The following NDE1 variants were observed in gnomAD, a reference collection of about 807,000 sequenced individuals.
NDE1 encodes the protein nudE neurodevelopment protein 1, also known as nuclear distribution protein nudE homolog 1.
Under a neutral mutation model 43.4 loss-of-function variants are expected in NDE1, and 28 were observed. That is an observed-to-expected ratio of 0.65 (90% CI 0.48 to 0.89). The LOEUF (loss-of-function observed/expected upper bound fraction) is 0.89. Among genes scored for constraint, NDE1 ranks in the 40% least tolerant of loss-of-function variants. The probability of loss-of-function intolerance (pLI) is 0.00; values close to 1 mark genes in which losing one functional copy is unlikely to be tolerated. For missense variants in NDE1, 441 were observed against 434.1 expected (o/e 1.02, Z -0.14); for synonymous variants, 184 against 172.0 (o/e 1.07, Z -0.55).
chr16:15,693,924 A>C (rs917761526), intron 6 of NDE1, among the ~76,000 whole-genome samples: 2 of 152,214 alleles, frequency 1.3e-5, no homozygotes, highest in Admixed American at 6.5e-5. Flanking sequence ...CGGGTGACAG[A>C]GCAAGACTAA....
At chr16:15,718,125 G>T in intron 8 of NDE1, 3 of 855,496 alleles carry the variant, frequency 3.5e-6, no homozygotes, top group Non-Finnish European at 3.7e-6. Flanking sequence ...GTGGAGAGGA[G>T]TATTCTGAAG....
At chr16:15,721,352 T>G in intron 8 of NDE1, 3 of 1,525,188 alleles carry the variant, frequency 2.0e-6, no homozygotes, top group Non-Finnish European at 2.7e-6. Context: ...TAGCCTCGCA[T>G]GGACTGGTGA....
chr16:15,657,373 A>G lies in NDE1; in HGVS notation c.-44+7079A>G, dbSNP rs1248405603. Among the ~76,000 whole-genome samples, 5 of 152,104 alleles carry G rather than the reference A, an allele frequency of 3.3e-5. No homozygotes were observed. The East Asian group carries it at 5.8e-4, about 18-fold the overall frequency. ...CTTGGCTTCCCAAAGTGTTGGGATT[A>G]CAGGCATGAGCCAACGCACCCAGCC... is the stretch of plus-strand genomic sequence containing the variant. On this transcript the variant is annotated intron_variant, in intron 1 of 8. Coordinates refer to ENST00000396354, the MANE Select transcript of NDE1 (RefSeq NM_017668.3).
At chr16:15,717,474 T>G in intron 8 of NDE1, 1 of 931,358 alleles carries the variant, frequency 1.1e-6, no homozygotes, top group Non-Finnish European at 1.6e-6. Context: ...CCCTGTCCTC[T>G]CCTTCATCCT....
At chr16:15,688,785 G>A (rs746682913) in intron 5 of NDE1, among the ~76,000 whole-genome samples, 123 of 123,370 alleles carry the variant, frequency 1.0e-3, no homozygotes, top group Non-Finnish European at 1.2e-3. Flanking sequence ...TGCAACCTCT[G>A]CCTCCCAGGT....
In NDE1 at chr16:15,724,777, C is replaced by T. The variant is rs761662427; in HGVS notation, c.*526C>T. ...CTTCGTAGACACGTTGAGCTTCTGCCGGGTTTCTTCTTGAAGCAGCTCCTG... is the reference window on the plus strand; with the variant it reads ...CTTCGTAGACACGTTGAGCTTCTGCTGGGTTTCTTCTTGAAGCAGCTCCTG... On this transcript the variant is annotated 3_prime_UTR_variant, in exon 9 of 9. Transcript: ENST00000396354. The T allele has an allele frequency of 1.1e-5, 17 of 1,614,034 alleles. No homozygotes were observed. Among genetic ancestry groups the T allele is most frequent in the East Asian group, 2.2e-5 (1 of 44,878 alleles).
chr16:15,724,345 T>G lies in NDE1; in HGVS notation c.*94T>G. 1 of 1,614,142 alleles carries G rather than the reference T, an allele frequency of 6.2e-7. No individual in the cohort carries two copies. Among genetic ancestry groups the G allele is most frequent in the South Asian group, 1.1e-5 (1 of 91,080 alleles). The stretch of plus-strand genomic sequence containing the variant: ...CTCGATCTCCTTCTGGAACCTCTTC[T>G]TCCCCTCTTCCAGAGCTTCCACGGT... On this transcript the variant is annotated 3_prime_UTR_variant, in exon 9 of 9. Coordinates refer to ENST00000396354, the MANE Select transcript of NDE1 (RefSeq NM_017668.3).
intron 3 of NDE1, among the ~76,000 whole-genome samples, chr16:15,674,842 G>A (rs1433960516): frequency 6.6e-6 from 1 of 151,956 alleles, no homozygotes; most frequent in Non-Finnish European, 1.5e-5. Context: ...CTCCTAACTG[G>A]GACTACAGGC....
chr16:15,718,153 G>T, intron 8 of NDE1: 1 of 1,096,100 alleles, frequency 9.1e-7, no homozygotes, highest in Non-Finnish European at 1.3e-6. Flanking sequence ...CCTGGGCACT[G>T]GTGTAAGGGC....
At chr16:15,711,456 TATC>T (rs2039789422) in intron 8 of NDE1, among the ~76,000 whole-genome samples, 1 of 152,224 alleles carries the variant, frequency 6.6e-6, no homozygotes, top group Admixed American at 6.5e-5. Context: ...ATACTATTTT[TATC>T]ATATTACTTT....
At chr16:15,680,690 C>A (rs2151079846) in intron 4 of NDE1, among the ~76,000 whole-genome samples, 1 of 152,234 alleles carries the variant, frequency 6.6e-6, no homozygotes, top group Admixed American at 6.5e-5. Flanking sequence ...CAGGCGCCCC[C>A]CACCACGCCT....
In NDE1 at chr16:15,703,161, A is replaced by T. The variant is rs1455085497; in HGVS notation, c.947+6301A>T. 2.6e-5 allele frequency: 5 copies of T among 191,366 alleles called. No individual in the cohort carries two copies. The East Asian group carries it at 4.1e-4, about 16-fold the overall frequency. 11.9% of individuals were successfully genotyped at this position (191,366 alleles called of 1,614,324 possible). ...TGTGATTTATAACCATTTATTAGTG[A>T]AAGTGTTTTTAAGCACAGTCAGGGT... On this transcript the variant is annotated intron_variant, in intron 8 of 8. Transcript: ENST00000396354.
At chr16:15,658,383 C>A (rs964474430) in intron 1 of NDE1, among the ~76,000 whole-genome samples, 1 of 152,234 alleles carries the variant, frequency 6.6e-6, no homozygotes, top group Non-Finnish European at 1.5e-5. Context: ...GGGTTAGGCT[C>A]ACCCTATCAT....
rs1334142043 is a variant in NDE1, at chr16:15,677,791, T to C, written c.238-10T>C. The C allele has an allele frequency of 1.9e-6, 3 of 1,614,114 alleles. No individual in the cohort carries two copies. The highest frequency in any genetic ancestry group is 1.3e-5 in the African/African-American group (1 of 75,050). On this transcript the variant is annotated splice_polypyrimidine_tract_variant and intron_variant, in intron 3 of 8. Coordinates refer to ENST00000396354, the MANE Select transcript of NDE1 (RefSeq NM_017668.3). ...TAAGTCATTCACTCAGTGTCTGTGT[T>C]GTCCTTCAGGAGAAGTTTGAAGTGC...
intron 8 of NDE1, among the ~76,000 whole-genome samples, chr16:15,720,635 C>T (rs2040416186): frequency 6.6e-6 from 1 of 151,820 alleles, no homozygotes; most frequent in African/African-American, 2.4e-5. Context: ...GCCTGTAATC[C>T]AAGCTACTCG....
At chr16:15,709,788 G>A (rs986823372) in intron 8 of NDE1, among the ~76,000 whole-genome samples, 2 of 152,174 alleles carry the variant, frequency 1.3e-5, no homozygotes, top group Non-Finnish European at 2.9e-5. Flanking sequence ...ACCTGCAGCC[G>A]CCTGTCCCTT....
intron 4 of NDE1, among the ~76,000 whole-genome samples, chr16:15,678,937 G>C (rs1004821628): frequency 1.3e-5 from 2 of 151,872 alleles, no homozygotes; most frequent in Non-Finnish European, 2.9e-5. Flanking sequence ...TTAGCCGGGC[G>C]TGGTGGCGGG....
intron 4 of NDE1, among the ~76,000 whole-genome samples, chr16:15,679,452 A>G (rs1052822411): frequency 1.8e-4 from 27 of 152,144 alleles, no homozygotes; most frequent in Admixed American, 2.6e-4. Context: ...TTCAAATTGA[A>G]TAATTTCTGT....
intron 1 of NDE1, among the ~76,000 whole-genome samples, chr16:15,660,908 T>A (rs1217358894): frequency 6.6e-6 from 1 of 152,156 alleles, no homozygotes; most frequent in East Asian, 1.9e-4. Flanking sequence ...ACTGCCCACC[T>A]TTCCAATATT....
Sources: allele counts gnomAD v4.1 joint callset (sites outside exome capture counted in the v4.1 genomes callset), GRCh38; gene constraint gnomAD v4.1.1; transcripts MANE v1.5; gene names NCBI Gene and HGNC (gene_info 2026-07-23, HGNC 2026-07-21).